The following TEX36 variants were observed in gnomAD, a reference collection of about 807,000 sequenced individuals.
TEX36 encodes testis-expressed protein 36.
Under a neutral mutation model 13.6 loss-of-function variants are expected in TEX36, and 12 were observed. That is an observed-to-expected ratio of 0.88 (90% CI 0.56 to 1.43). The LOEUF is 1.43. Among genes scored for constraint, TEX36 ranks in the 40% most tolerant of loss-of-function variants. The probability of loss-of-function intolerance (pLI) is 0.00; values close to 1 mark genes in which losing one functional copy is unlikely to be tolerated. For missense variants in TEX36, 224 were observed against 228.3 expected (o/e 0.98, Z 0.12); for synonymous variants, 93 against 83.0 (o/e 1.12, Z -0.65).
At chr10:125,660,323 C>G (rs371550546) in intron 3 of TEX36, among the ~76,000 whole-genome samples, 1 of 152,088 alleles carries the variant, frequency 6.6e-6, no homozygotes, top group Admixed American at 6.5e-5. Context: ...CGGGGTCTTA[C>G]TATGTAGCCC....
At chr10:125,607,495 A>G (rs1038371457) in intron 3 of TEX36, among the ~76,000 whole-genome samples, 1 of 152,232 alleles carries the variant, frequency 6.6e-6, no homozygotes, top group South Asian at 2.1e-4. Context: ...TAACCTTGAC[A>G]GCAAATAAGA....
intron 1 of TEX36, among the ~76,000 whole-genome samples, chr10:125,676,924 TG>T (rs1463439621): frequency 2.6e-5 from 4 of 152,226 alleles, no homozygotes; most frequent in African/African-American, 9.6e-5. Flanking sequence ...TTTGCTTGTC[TG>T]GGAAAGACTG....
chr10:125,671,078 AACAG>A (rs1441674918), intron 1 of TEX36, among the ~76,000 whole-genome samples: 7 of 152,140 alleles, frequency 4.6e-5, no homozygotes, highest in African/African-American at 1.7e-4. Context: ...GCCATCTGCA[AACAG>A]ACAGTTTGAC....
At chr10:125,651,626 A>G (rs529655261), downstream of TEX36, among the ~76,000 whole-genome samples, 4 of 152,292 alleles carry the variant, frequency 2.6e-5, no homozygotes, top group Non-Finnish European at 4.4e-5. Context: ...TATTCAACAT[A>G]GTGTTGGAAG....
At chr10:125,593,837 C>T (rs1435540343) in intron 3 of TEX36, among the ~76,000 whole-genome samples, 6 of 152,042 alleles carry the variant, frequency 3.9e-5, no homozygotes, top group South Asian at 2.1e-4. Context: ...AGATGGATGG[C>T]GGTGATGATT....
chr10:125,676,354 A>G (rs1340867677), intron 1 of TEX36, among the ~76,000 whole-genome samples: 3 of 152,224 alleles, frequency 2.0e-5, no homozygotes, highest in Non-Finnish European at 4.4e-5. Context: ...TCCATTTATC[A>G]TTATATAATG....
At chr10:125,624,706 C>G (rs1335800760) in intron 3 of TEX36, among the ~76,000 whole-genome samples, 2 of 150,608 alleles carry the variant, frequency 1.3e-5, no homozygotes, top group African/African-American at 2.4e-5. Context: ...CTGAAAGCAG[C>G]AGCAGAAACA....
At chr10:125,582,654 ATTTGT>A (rs1392808738) in intron 3 of TEX36, among the ~76,000 whole-genome samples, 1 of 152,180 alleles carries the variant, frequency 6.6e-6, no homozygotes, top group Non-Finnish European at 1.5e-5. Flanking sequence ...CCAATTCATC[ATTTGT>A]TCATTCAGAC....
intron 3 of TEX36, among the ~76,000 whole-genome samples, chr10:125,604,912 T>A: frequency 1.6e-5 from 2 of 124,264 alleles, no homozygotes; most frequent in African/African-American, 2.9e-5. Flanking sequence ...ACCTCAGGGC[T>A]CCCACCGATT....
At chr10:125,674,465 G>C (rs1194384206) in intron 1 of TEX36, among the ~76,000 whole-genome samples, 1 of 152,188 alleles carries the variant, frequency 6.6e-6, no homozygotes, top group Non-Finnish European at 1.5e-5. Flanking sequence ...TGCCCTTGCT[G>C]GAGAGGTGTT....
At chr10:125,667,287 T>C (rs1255969664) in intron 1 of TEX36, 1 of 630,050 alleles carries the variant, frequency 1.6e-6, no homozygotes, top group African/African-American at 1.8e-5. Flanking sequence ...CCAAGATAGA[T>C]GTGTTGATCA....
intron 3 of TEX36, among the ~76,000 whole-genome samples, chr10:125,582,603 AG>A (rs1451974553): frequency 6.6e-5 from 10 of 152,198 alleles, no homozygotes; most frequent in Admixed American, 6.5e-4. Flanking sequence ...GCTGCTTAAA[AG>A]TTTAGTTGAG....
chr10:125,606,113 C>T (rs948927514), intron 3 of TEX36, among the ~76,000 whole-genome samples: 8 of 152,176 alleles, frequency 5.3e-5, no homozygotes, highest in South Asian at 2.1e-4. Flanking sequence ...ACTGTTGGGC[C>T]GTGTTCTAAA....
chr10:125,667,305 C>T, intron 1 of TEX36: 1 of 635,724 alleles, frequency 1.6e-6, no homozygotes, highest in South Asian at 1.5e-5. Flanking sequence ...TCACTCAGAG[C>T]CTTGTAGACA....
At chr10:125,599,808 C>T (rs1846123700) in intron 3 of TEX36, among the ~76,000 whole-genome samples, 1 of 152,230 alleles carries the variant, frequency 6.6e-6, no homozygotes, top group Non-Finnish European at 1.5e-5. Flanking sequence ...GTGTAAATCC[C>T]TTTCTGAGTC....
intron 1 of TEX36, among the ~76,000 whole-genome samples, chr10:125,674,225 G>A (rs749842449): frequency 3.3e-5 from 5 of 152,082 alleles, no homozygotes; most frequent in Non-Finnish European, 7.4e-5. Context: ...ATTGATACTT[G>A]TGGTTGCATT....
intron 3 of TEX36, among the ~76,000 whole-genome samples, chr10:125,636,799 C>T (rs537584636): frequency 9.2e-5 from 14 of 152,232 alleles, no homozygotes; most frequent in African/African-American, 2.9e-4. Context: ...GCGTGAGATG[C>T]GTCCTTTTCG....
At chr10:125,594,663 T>A (rs1295730222) in intron 3 of TEX36, among the ~76,000 whole-genome samples, 2 of 152,344 alleles carry the variant, frequency 1.3e-5, no homozygotes, top group East Asian at 3.9e-4. Flanking sequence ...TTTTGAAATA[T>A]TAAAGAGTGA....
chr10:125,669,655 T>G (rs1300562978), intron 1 of TEX36, among the ~76,000 whole-genome samples: 1 of 152,196 alleles, frequency 6.6e-6, no homozygotes, highest in Admixed American at 6.5e-5. Flanking sequence ...GTTACATAGG[T>G]AAAAGTGTGC....
Sources: gnomAD v4.1 joint callset for allele counts (sites outside exome capture counted in the v4.1 genomes callset) on GRCh38, gnomAD v4.1.1 for gene constraint, MANE v1.5 for transcripts, NCBI Gene and HGNC (gene_info 2026-07-23, HGNC 2026-07-21) for gene names.